Variants in PPP3CC observed in about 807,000 individuals in gnomAD.
PPP3CC encodes protein phosphatase 3 catalytic subunit gamma, also known as serine/threonine-protein phosphatase 2B catalytic subunit gamma isoform.
Under a neutral mutation model 60.3 loss-of-function variants are expected in PPP3CC, and 35 were observed. The ratio of observed to expected loss-of-function variants is 0.58; its 90% CI spans 0.44 to 0.77. The LOEUF (loss-of-function observed/expected upper bound fraction) is 0.77. Among genes scored for constraint, PPP3CC ranks in the 30% least tolerant of loss-of-function variants. The pLI, the probability that PPP3CC is intolerant of heterozygous loss-of-function variation, is 0.00. For missense variants in PPP3CC, 570 were observed against 628.9 expected, an observed-to-expected ratio of 0.91 and a Z score of 1.00; for synonymous variants, 206 against 224.3, an observed-to-expected ratio of 0.92 and a Z score of 0.73.
chr8:22,485,606 C>T lies in PPP3CC; in HGVS notation c.372+9982C>T, dbSNP rs547122253. Among the ~76,000 whole-genome samples, 18 of 152,292 alleles carry T rather than the reference C, an allele frequency of 1.2e-4. No individual in the cohort carries two copies. The South Asian group carries it at 3.7e-3, about 32-fold the overall frequency. Reference sequence around the variant, plus strand: ...AGGTCCCCAGTGTGGCTACCTTGTACTATAGTTCCAATGGCTGCTGATCTT... The same window carrying T: ...AGGTCCCCAGTGTGGCTACCTTGTATTATAGTTCCAATGGCTGCTGATCTT... On this transcript the variant is annotated intron_variant, in intron 3 of 13. Coordinates refer to ENST00000240139, the MANE Select transcript of PPP3CC (RefSeq NM_005605.5).
chr8:22,520,449 A>AT (rs1275451862), intron 6 of PPP3CC, among the ~76,000 whole-genome samples: 1 of 151,982 alleles, frequency 6.6e-6, no homozygotes, highest in East Asian at 1.9e-4. Flanking sequence ...TGCCTGTATT[A>AT]TTTTCACTTG....
At chr8:22,458,958 A>G (rs997298372) in intron 1 of PPP3CC, among the ~76,000 whole-genome samples, 5 of 152,248 alleles carry the variant, frequency 3.3e-5, no homozygotes, top group South Asian at 2.1e-4. Flanking sequence ...GTCAGCAACT[A>G]TAAGTAGAAT....
intron 1 of PPP3CC, among the ~76,000 whole-genome samples, chr8:22,447,012 G>A (rs1836845029): frequency 1.3e-5 from 2 of 150,930 alleles, no homozygotes; most frequent in South Asian, 4.2e-4. Context: ...CCCGTTTATA[G>A]TTTTTTTTGG....
chr8:22,466,492 T>A (rs1302973956), intron 1 of PPP3CC, among the ~76,000 whole-genome samples: 1 of 152,204 alleles, frequency 6.6e-6, no homozygotes. Context: ...ATCTGTTGTT[T>A]CCTGACTTTT....
At chr8:22,474,502 G>A (rs1258222619) in intron 1 of PPP3CC, among the ~76,000 whole-genome samples, 1 of 151,908 alleles carries the variant, frequency 6.6e-6, no homozygotes, top group Non-Finnish European at 1.5e-5. Flanking sequence ...TCAGGAGTTC[G>A]AGAGCAGGCT....
chr8:22,449,113 T>G (rs1469371524), intron 1 of PPP3CC, among the ~76,000 whole-genome samples: 6 of 151,734 alleles, frequency 4.0e-5, no homozygotes, highest in Non-Finnish European at 8.8e-5. Context: ...CCCATCTCTA[T>G]TTAAAAAAGA....
At chr8:22,454,557 C>A (rs892701212) in intron 1 of PPP3CC, among the ~76,000 whole-genome samples, 2 of 152,144 alleles carry the variant, frequency 1.3e-5, no homozygotes, top group Non-Finnish European at 2.9e-5. Context: ...CGTTATATGA[C>A]TGGCAGTGCA....
chr8:22,447,421 A>G (rs1223954923), intron 1 of PPP3CC, among the ~76,000 whole-genome samples: 2 of 151,686 alleles, frequency 1.3e-5, no homozygotes, highest in Non-Finnish European at 2.9e-5. Flanking sequence ...TGACCTCGTG[A>G]TCCGCCCGTC....
At position 22,464,432 on chromosome 8, in the gene PPP3CC, T is replaced by G. The variant is rs565768716; in HGVS notation, c.50-10522T>G. On this transcript the variant is annotated intron_variant, in intron 1 of 13. Transcript: ENST00000240139. ...TCTCGCTCAGCTGTCTAGGCTGGAG[T>G]GCAGTGGCTGGATCATAGCTCACTG... 2.0e-5 allele frequency among the ~76,000 whole-genome samples: 3 copies of G among 152,306 alleles called. No homozygotes were observed. In the East Asian group the frequency reaches 5.8e-4, roughly 29 times the overall value.
intron 10 of PPP3CC, among the ~76,000 whole-genome samples, chr8:22,529,316 A>G (rs958936445): frequency 2.0e-5 from 3 of 152,208 alleles, no homozygotes; most frequent in Non-Finnish European, 4.4e-5. Flanking sequence ...ATTTTGCAGG[A>G]TGCATAGTCA....
chr8:22,522,756 G>A lies in PPP3CC; in HGVS notation c.943+7G>A. The A allele has an allele frequency of 6.5e-7, 1 of 1,538,046 alleles. No individual in the cohort carries two copies. The highest frequency in any genetic ancestry group is 9.0e-7 in the Non-Finnish European group (1 of 1,112,122). On this transcript the variant is annotated splice_region_variant and intron_variant, in intron 8 of 13. Transcript: ENST00000240139. ...GATGTCTATAACAATAAAGGTAAAG[G>A]AATCCAGCAATATTTGAGTTTGAAT...
intron 1 of PPP3CC, among the ~76,000 whole-genome samples, chr8:22,441,862 C>CT (rs1836684004): frequency 1.3e-5 from 2 of 152,268 alleles, no homozygotes; most frequent in African/African-American, 4.8e-5. Flanking sequence ...GCCCCCCACC[C>CT]TTTTTTAGGA....
At chr8:22,451,892 A>G (rs563493955) in intron 1 of PPP3CC, among the ~76,000 whole-genome samples, 1 of 152,332 alleles carries the variant, frequency 6.6e-6, no homozygotes, top group South Asian at 2.1e-4. Flanking sequence ...ATATGCAAAT[A>G]TTCCCAAATC....
At chr8:22,526,874 A>T (rs1839574250) in intron 8 of PPP3CC, among the ~76,000 whole-genome samples, 1 of 152,180 alleles carries the variant, frequency 6.6e-6, no homozygotes, top group African/African-American at 2.4e-5. Flanking sequence ...TCTAATTTTG[A>T]ACATTTAATT....
intron 4 of PPP3CC, among the ~76,000 whole-genome samples, chr8:22,503,493 A>G (rs1358472578): frequency 1.3e-5 from 2 of 151,760 alleles, no homozygotes; most frequent in African/African-American, 4.8e-5. Context: ...TTTAGGTGAC[A>G]TTTTTCTTAA....
intron 1 of PPP3CC, among the ~76,000 whole-genome samples, chr8:22,459,677 G>C (rs1483481183): frequency 6.6e-6 from 1 of 152,138 alleles, no homozygotes; most frequent in Non-Finnish European, 1.5e-5. Flanking sequence ...TTAAGAAGAA[G>C]TACAAGAGAT....
chr8:22,492,854 AG>A, intron 3 of PPP3CC: 1 of 1,028,858 alleles, frequency 9.7e-7, no homozygotes, highest in Non-Finnish European at 1.5e-6. Context: ...CAGAGATGCC[AG>A]CAAACTCTTT....
chr8:22,447,593 C>T (rs1011486130), intron 1 of PPP3CC, among the ~76,000 whole-genome samples: 14 of 151,972 alleles, frequency 9.2e-5, no homozygotes, highest in Admixed American at 4.6e-4. Flanking sequence ...GCTGGGATTA[C>T]GGTGTGAGCC....
intron 1 of PPP3CC, among the ~76,000 whole-genome samples, chr8:22,456,805 A>G (rs941691279): frequency 6.6e-6 from 1 of 152,196 alleles, no homozygotes; most frequent in African/African-American, 2.4e-5. Flanking sequence ...GTTTTTAATC[A>G]TGTGCAAACC....
Sources: gnomAD v4.1 joint callset for allele counts (sites outside exome capture counted in the v4.1 genomes callset) on GRCh38, gnomAD v4.1.1 for gene constraint, MANE v1.5 for transcripts, NCBI Gene and HGNC (gene_info 2026-07-23, HGNC 2026-07-21) for gene names.